The following BDP1 variants were observed in gnomAD, a reference collection of about 807,000 sequenced individuals.
The protein encoded by BDP1 is transcription factor TFIIIB component B'' homolog.
A neutral mutation model predicts 266.6 loss-of-function variants in BDP1; 169 were observed. The observed-to-expected ratio is 0.63, with a 90% CI of 0.56 to 0.72. The LOEUF is 0.72. Among genes scored for constraint, BDP1 ranks in the 30% least tolerant of loss-of-function variants. The probability of loss-of-function intolerance (pLI) is 0.00; values close to 1 mark genes in which losing one functional copy is unlikely to be tolerated. For missense variants in BDP1, 3,015 were observed against 3,053.8 expected (o/e 0.99, Z 0.30); for synonymous variants, 1,090 against 1,022.4 (o/e 1.07, Z -1.26).
At chr5:71,557,028 C>T (rs1743264519) in intron 36 of BDP1, 103 bp downstream of exon 36, 1 of 565,810 alleles carries the variant, frequency 1.8e-6, no homozygotes, top group Admixed American at 3.9e-5. Context: ...TATTCCTTTT[C>T]TCCAAGAGTA....
chr5:71,512,399 TC>T lies in BDP1; in HGVS notation c.4220del (p.Pro1407GlnfsTer9), dbSNP rs1764977782. ...TCCAGGGGATTCAATCTCCAGATGT[TC>T]CAGAGCAGTTTTCAGATATTAATTT... ...EVQGIQSPDVPEQFSDINLSK... is the reference protein window; with the variant it reads ...EVQGIQSPDVXEQFSDINLSK... On this transcript the variant is annotated frameshift_variant, in exon 18 of 39. Transcript: ENST00000358731. LOFTEE classifies it high-confidence loss of function. 1 of 1,570,198 alleles carries T rather than the reference TC, an allele frequency of 6.4e-7. No individual in the cohort carries two copies. Among genetic ancestry groups the T allele is most frequent in the East Asian group, 2.3e-5 (1 of 44,238 alleles).
At chr5:71,551,591 C>T (rs746866403) in intron 34 of BDP1, among the ~76,000 whole-genome samples, 2 of 152,240 alleles carry the variant, frequency 1.3e-5, no homozygotes, top group African/African-American at 4.8e-5. Flanking sequence ...AAAACCGCCA[C>T]GTCATCATGG....
chr5:71,471,983 T>C (rs1762277699), intron 7 of BDP1, among the ~76,000 whole-genome samples: 1 of 152,230 alleles, frequency 6.6e-6, no homozygotes, highest in South Asian at 2.1e-4. Context: ...TGTTGATCTT[T>C]GATAAAAGAA....
intron 3 of BDP1, 125 bp downstream of exon 3, chr5:71,462,051 C>T: frequency 1.6e-6 from 1 of 610,556 alleles, no homozygotes. Context: ...CAACCTCTGC[C>T]TCCCAGGTTC....
chr5:71,485,891 G>A (rs1763233270), intron 8 of BDP1, among the ~76,000 whole-genome samples: 1 of 152,296 alleles, frequency 6.6e-6, no homozygotes, highest in Non-Finnish European at 1.5e-5. Flanking sequence ...AGCTCAAAGT[G>A]TAGTTCAAGT....
intron 7 of BDP1, among the ~76,000 whole-genome samples, chr5:71,479,877 T>A (rs1762835340): frequency 6.6e-6 from 1 of 151,940 alleles, no homozygotes; most frequent in African/African-American, 2.4e-5. Flanking sequence ...CTATCACATT[T>A]TCCTATCTTT....
chr5:71,495,162 A>AT (rs1763806861), intron 11 of BDP1, 88 bp from the exon 12 acceptor site: 1 of 796,240 alleles, frequency 1.3e-6, no homozygotes. Context: ...CAAAATGGTG[A>AT]TTTTGTGTGT....
chr5:71,522,999 T>G, intron 24 of BDP1, 50 bp downstream of exon 24: 1 of 1,481,162 alleles, frequency 6.8e-7, no homozygotes, highest in Non-Finnish European at 9.0e-7. Flanking sequence ...AAAAATCACT[T>G]AACTTTTACC....
At chr5:71,531,334 T>C (rs141078995) in intron 25 of BDP1, among the ~76,000 whole-genome samples, 3 of 152,166 alleles carry the variant, frequency 2.0e-5, no homozygotes, top group Non-Finnish European at 4.4e-5. Flanking sequence ...AATACCTTTT[T>C]AGTGCTCAGA....
chr5:71,545,133 G>C lies in BDP1; in HGVS notation c.6658G>C (p.Asp2220His), dbSNP rs768136385. The stretch of plus-strand genomic sequence containing the variant: ...GACAGGGCCCTGCACACTTGGTTTG[G>C]ATAGGGGTCTTGGTGAAAATTCTGT... The part of the protein sequence containing the change: ...SETGPCTLGL[D>H]RGLGENSVEE... Residue 2220 changes from aspartate to histidine, a missense_variant, in exon 32 of 39, where the codon GAT becomes CAT. By Grantham distance (81) the Asp-to-His change is moderately conservative. Coordinates refer to ENST00000358731, the MANE Select transcript of BDP1 (RefSeq NM_018429.3). 2 of 1,613,850 alleles carry C rather than the reference G, an allele frequency of 1.2e-6. No homozygotes were observed.
chr5:71,526,481 T>G (rs1459220752), intron 25 of BDP1, among the ~76,000 whole-genome samples: 2 of 151,432 alleles, frequency 1.3e-5, no homozygotes, highest in Non-Finnish European at 2.9e-5. Flanking sequence ...CTGGGCGTGG[T>G]GTCAGGTGCC....
At chr5:71,480,839 T>C (rs1309613756) in intron 7 of BDP1, among the ~76,000 whole-genome samples, 3 of 152,080 alleles carry the variant, frequency 2.0e-5, no homozygotes, top group Non-Finnish European at 4.4e-5. Flanking sequence ...GCTAGGATTA[T>C]AAGAAGTGAA....
At position 71,509,474 on chromosome 5, in the gene BDP1, G is replaced by A; in HGVS notation, c.2382G>A (p.Glu794=). ...KVLNECLSVQ[E]NNKANKLNQV... ...CCTTTTTTTTTTATAGCGTTCAAGA[G>A]AATAATAAGGCAAATAAACTTAACC... The change falls in exon 17 of 39, where the codon GAG becomes GAA. Residue 794 remains glutamate (E), a synonymous_variant. Coordinates refer to ENST00000358731, the MANE Select transcript of BDP1 (RefSeq NM_018429.3). 6.4e-7 allele frequency: 1 copy of A among 1,573,326 alleles called. No homozygotes were observed. Among genetic ancestry groups the A allele is most frequent in the East Asian group, 2.2e-5 (1 of 44,690 alleles).
chr5:71,486,649 G>A (rs779252610), intron 9 of BDP1, 22 bp downstream of exon 9: 1 of 1,493,964 alleles, frequency 6.7e-7, no homozygotes, highest in Non-Finnish European at 8.8e-7. Context: ...AAAAGGAAGT[G>A]TGATAGTTTA....
At chr5:71,466,013 T>C in intron 4 of BDP1, 83 bp from the exon 5 acceptor site, 1 of 1,418,032 alleles carries the variant, frequency 7.1e-7, no homozygotes, top group Non-Finnish European at 9.6e-7. Flanking sequence ...AAGGTTGAGT[T>C]TGTAATCATT....
At chr5:71,576,138 C>A in the BDP1 span, among the ~76,000 whole-genome samples, 2 of 152,154 alleles carry the variant, frequency 1.3e-5, no homozygotes, top group Admixed American at 6.5e-5. Context: ...GTGTTCTTGG[C>A]CATGTTAGCC....
rs1241118580 is a variant in BDP1, at chr5:71,565,711, T to TAA, written c.*827_*828dup. ...CAAGGCAATTCTTAGAACATGTAGT[T>TAA]AAGGGACACGTGACTATATGTGAAA... On this transcript the variant is annotated 3_prime_UTR_variant, in exon 39 of 39. Transcript: ENST00000358731. The TAA allele has an allele frequency of 6.5e-6, 1 of 153,694 alleles. No homozygotes were observed. Among genetic ancestry groups the TAA allele is most frequent in the African/African-American group, 2.4e-5 (1 of 41,470 alleles). 9.5% of individuals were successfully genotyped at this position (153,694 alleles called of 1,614,324 possible). A position where few individuals can be genotyped will look rare whatever the true frequency, so the allele number is the denominator to read the frequency against.
chr5:71,564,665 T>C, intron 38 of BDP1, 89 bp from the exon 39 acceptor site: 1 of 1,155,060 alleles, frequency 8.7e-7, no homozygotes, highest in Admixed American at 2.8e-5. Context: ...ACAGATCATA[T>C]TGGTTTAGAC....
downstream of BDP1, among the ~76,000 whole-genome samples, chr5:71,568,593 C>T (rs952779895): frequency 6.6e-6 from 1 of 152,138 alleles, no homozygotes; most frequent in African/African-American, 2.4e-5. Context: ...GTAGGTGAGC[C>T]GTCATGCCTG....
Sources: gnomAD v4.1 joint callset for allele counts (sites outside exome capture counted in the v4.1 genomes callset) on GRCh38, gnomAD v4.1.1 for gene constraint, MANE v1.5 for transcripts, NCBI Gene and HGNC (gene_info 2026-07-23, HGNC 2026-07-21) for gene names.